Variants in PRKG1 observed in about 807,000 individuals in gnomAD.
The protein encoded by PRKG1 is cGMP-dependent protein kinase 1.
Under a neutral mutation model 88.1 loss-of-function variants are expected in PRKG1, and 35 were observed. The ratio of observed to expected loss-of-function variants is 0.40; its 90% CI spans 0.30 to 0.53. The LOEUF (loss-of-function observed/expected upper bound fraction) is 0.53. Among genes scored for constraint, PRKG1 ranks in the 20% least tolerant of loss-of-function variants. PRKG1 has a pLI of 0.59. For missense variants in PRKG1, 540 were observed against 839.8 expected, an observed-to-expected ratio of 0.64 and a Z score of 4.41; for synonymous variants, 303 against 292.5, an observed-to-expected ratio of 1.04 and a Z score of -0.37.
At chr10:51,195,739 A>G (rs1837746602) in intron 2 of PRKG1, among the ~76,000 whole-genome samples, 1 of 152,160 alleles carries the variant, frequency 6.6e-6, no homozygotes, top group African/African-American at 2.4e-5. Flanking sequence ...TGTCTCTTAG[A>G]AAATTGTCAT....
intron 9 of PRKG1, among the ~76,000 whole-genome samples, chr10:52,234,130 A>C (rs1291947776): frequency 2.0e-5 from 3 of 152,170 alleles, no homozygotes; most frequent in Non-Finnish European, 2.9e-5. Context: ...AAACTAACAG[A>C]CAGAAAGGAC....
At chr10:52,199,430 C>A (rs980476247) in intron 9 of PRKG1, among the ~76,000 whole-genome samples, 3 of 152,074 alleles carry the variant, frequency 2.0e-5, no homozygotes, top group Non-Finnish European at 4.4e-5. Flanking sequence ...AATTGGCTGC[C>A]CTGGGTTAGA....
At chr10:51,285,969 A>ATTATTTAT (rs3060341) in intron 2 of PRKG1, among the ~76,000 whole-genome samples, 4 of 150,980 alleles carry the variant, frequency 2.6e-5, no homozygotes, top group Admixed American at 6.6e-5. Context: ...TTATTTATTT[A>ATTATTTAT]TTATTTATTT....
At chr10:52,271,777 C>T (rs1350182892) in intron 11 of PRKG1, among the ~76,000 whole-genome samples, 1 of 151,966 alleles carries the variant, frequency 6.6e-6, no homozygotes, top group Non-Finnish European at 1.5e-5. Context: ...TCTACATAGA[C>T]CTTTGATGCT....
intron 3 of PRKG1, among the ~76,000 whole-genome samples, chr10:51,575,825 C>T (rs1188239978): frequency 6.6e-6 from 1 of 151,644 alleles, no homozygotes; most frequent in Non-Finnish European, 1.5e-5. Flanking sequence ...TATCACTAGT[C>T]ATAAGAACAA....
intron 7 of PRKG1, among the ~76,000 whole-genome samples, chr10:52,097,220 T>C (rs891259264): frequency 6.7e-6 from 1 of 148,694 alleles, no homozygotes; most frequent in Non-Finnish European, 1.5e-5. Flanking sequence ...ATTTAGCTAC[T>C]AGTTAATAAC....
intron 2 of PRKG1, among the ~76,000 whole-genome samples, chr10:51,345,442 C>T (rs1178993176): frequency 6.6e-6 from 1 of 151,896 alleles, no homozygotes; most frequent in Non-Finnish European, 1.5e-5. Flanking sequence ...TGTTACTGTG[C>T]TTGATTGACA....
At chr10:51,618,832 A>T (rs953554003) in intron 3 of PRKG1, among the ~76,000 whole-genome samples, 1 of 151,880 alleles carries the variant, frequency 6.6e-6, no homozygotes, top group East Asian at 1.9e-4. Context: ...GTAGTGGCAC[A>T]ATCTTGACTT....
intron 4 of PRKG1, among the ~76,000 whole-genome samples, chr10:51,832,241 A>T (rs947732824): frequency 6.6e-6 from 1 of 152,222 alleles, no homozygotes; most frequent in African/African-American, 2.4e-5. Context: ...AGTTAAAAAG[A>T]TCTCATTTTA....
At chr10:51,980,828 TG>T (rs1203950409) in intron 5 of PRKG1, among the ~76,000 whole-genome samples, 1 of 152,188 alleles carries the variant, frequency 6.6e-6, no homozygotes, top group Non-Finnish European at 1.5e-5. Context: ...GTCTTCCATT[TG>T]CTTGCTAGAT....
chr10:52,092,793 A>G (rs1171006558), intron 7 of PRKG1, among the ~76,000 whole-genome samples: 2 of 152,208 alleles, frequency 1.3e-5, no homozygotes, highest in Admixed American at 6.5e-5. Flanking sequence ...GTGTTTTACC[A>G]TTGGGAAGAT....
intron 4 of PRKG1, among the ~76,000 whole-genome samples, chr10:51,815,953 T>C (rs986495476): frequency 6.6e-6 from 1 of 152,142 alleles, no homozygotes; most frequent in Non-Finnish European, 1.5e-5. Flanking sequence ...CCAAACCCAG[T>C]GTGAGTGTTT....
chr10:51,016,294 C>A (rs946057466), intron 1 of PRKG1, among the ~76,000 whole-genome samples: 1 of 152,114 alleles, frequency 6.6e-6, no homozygotes, highest in African/African-American at 2.4e-5. Flanking sequence ...TGTGTTTTAC[C>A]TGAAAGTTTT....
At chr10:51,088,012 G>A (rs1458981373) in intron 1 of PRKG1, among the ~76,000 whole-genome samples, 1 of 152,136 alleles carries the variant, frequency 6.6e-6, no homozygotes, top group Non-Finnish European at 1.5e-5. Context: ...CGATCCACCA[G>A]CCTTGGCCTC....
chr10:51,505,285 A>G (rs978979524), intron 3 of PRKG1, among the ~76,000 whole-genome samples: 6 of 152,082 alleles, frequency 3.9e-5, no homozygotes, highest in Admixed American at 6.6e-5. Context: ...ATTGATTTGC[A>G]TATATTGAAC....
intron 4 of PRKG1, among the ~76,000 whole-genome samples, chr10:51,900,220 G>A (rs1397078405): frequency 1.3e-5 from 2 of 152,116 alleles, no homozygotes; most frequent in Non-Finnish European, 2.9e-5. Flanking sequence ...AATATATGAA[G>A]AAAATACAAC....
At chr10:51,756,641 C>T (rs935533260) in intron 3 of PRKG1, among the ~76,000 whole-genome samples, 9 of 151,960 alleles carry the variant, frequency 5.9e-5, no homozygotes, top group African/African-American at 2.2e-4. Flanking sequence ...CGGTGAAACC[C>T]CATCTCTACT....
At position 51,356,934 on chromosome 10, in the gene PRKG1, A is replaced by G. The variant is rs528803267; in HGVS notation, c.479-110789A>G. 2.6e-5 allele frequency among the ~76,000 whole-genome samples: 4 copies of G among 152,124 alleles called. No homozygotes were observed. In the East Asian group the frequency reaches 7.8e-4, roughly 30 times the overall value. On this transcript the variant is annotated intron_variant, in intron 2 of 17. Coordinates refer to ENST00000373980, the MANE Select transcript of PRKG1 (RefSeq NM_006258.4). The stretch of plus-strand genomic sequence containing the variant: ...TAGGCTATACATCCCTTAAATGTGT[A>G]GGAGCTCTTATTTTTATTCCCATTG...
At chr10:52,144,129 A>G (rs1011887261) in intron 8 of PRKG1, among the ~76,000 whole-genome samples, 2 of 152,170 alleles carry the variant, frequency 1.3e-5, no homozygotes, top group Non-Finnish European at 2.9e-5. Context: ...AAGGAAGGGT[A>G]AAGACAGCTA....
Sources: allele counts gnomAD v4.1 joint callset (sites outside exome capture counted in the v4.1 genomes callset), GRCh38; gene constraint gnomAD v4.1.1; transcripts MANE v1.5; gene names NCBI Gene and HGNC (gene_info 2026-07-23, HGNC 2026-07-21).